The following PCDHA10 variants were observed in gnomAD, a reference collection of about 807,000 sequenced individuals.
PCDHA10 encodes protocadherin alpha 10, also known as protocadherin alpha-10.
PCDHA10 carries 45 observed loss-of-function variants against 61.2 expected under a neutral mutation model. That is an observed-to-expected ratio of 0.74 (90% CI 0.58 to 0.94). The LOEUF is 0.94. Ranked by LOEUF, PCDHA10 falls within the 40% of genes least tolerant of loss-of-function variation. The pLI, the probability that PCDHA10 is intolerant of heterozygous loss-of-function variation, is 0.00. For synonymous variants in PCDHA10, 602 were observed against 548.8 expected (o/e 1.10, Z -1.35); for missense variants, 1,278 against 1,236.2 (o/e 1.03, Z -0.51).
chr5:140,870,005 T>A lies in PCDHA10; in HGVS notation c.2388+11569T>A, dbSNP rs1006397532. 1 of 1,612,940 alleles carries A rather than the reference T, an allele frequency of 6.2e-7. No individual in the cohort carries two copies. The highest frequency in any genetic ancestry group is 1.7e-5 in the Admixed American group (1 of 59,888). The stretch of plus-strand genomic sequence containing the variant: ...ACACTAGATCAAAATAATGGAGAAG[T>A]GAGGGTCAATGGAACTTTAGATTAT... On this transcript the variant is annotated intron_variant, in intron 1 of 3. Coordinates refer to ENST00000307360, the MANE Select transcript of PCDHA10 (RefSeq NM_018901.4).
At chr5:140,977,140 G>A (rs2096748068) in intron 1 of PCDHA10, among the ~76,000 whole-genome samples, 1 of 152,202 alleles carries the variant, frequency 6.6e-6, no homozygotes, top group Non-Finnish European at 1.5e-5. Context: ...GGTCAGTCCT[G>A]CTGGAACTGT....
At chr5:140,883,470 A>T in intron 1 of PCDHA10, 3 of 1,614,126 alleles carry the variant, frequency 1.9e-6, no homozygotes, top group Non-Finnish European at 1.7e-6. Context: ...GTGTCCACCT[A>T]CAAGAACTAC....
chr5:140,871,420 C>G (rs1193380487), intron 1 of PCDHA10: 1 of 1,613,620 alleles, frequency 6.2e-7, no homozygotes, highest in Non-Finnish European at 8.5e-7. Context: ...GGCCTTCAGC[C>G]CCAGTCTTCC....
At chr5:140,988,467 A>T (rs1245281936) in intron 3 of PCDHA10, among the ~76,000 whole-genome samples, 12 of 152,242 alleles carry the variant, frequency 7.9e-5, no homozygotes, top group African/African-American at 2.4e-4. Flanking sequence ...AGGGTGTGGG[A>T]AGGGGAATTA....
intron 1 of PCDHA10, among the ~76,000 whole-genome samples, chr5:140,890,847 C>A (rs2062829860): frequency 1.3e-5 from 2 of 152,148 alleles, no homozygotes. Flanking sequence ...AGTTTTGTTT[C>A]TCTTCCTTAC....
At chr5:140,883,609 C>T (rs2059699123) in intron 1 of PCDHA10, 1 of 1,614,032 alleles carries the variant, frequency 6.2e-7, no homozygotes, top group Non-Finnish European at 8.5e-7. Flanking sequence ...GGGTGGCCGA[C>T]GTGAACGACA....
At chr5:140,938,508 A>G (rs1563167946) in intron 1 of PCDHA10, among the ~76,000 whole-genome samples, 1 of 152,046 alleles carries the variant, frequency 6.6e-6, no homozygotes, top group African/African-American at 2.4e-5. Context: ...AATTTATCAC[A>G]TATTTTCTGT....
intron 3 of PCDHA10, among the ~76,000 whole-genome samples, chr5:141,007,395 C>CAAAAAAAA (rs35800918): frequency 4.0e-3 from 379 of 94,450 alleles, no homozygotes; most frequent in Non-Finnish European, 5.7e-3. Context: ...TACTAAAATA[C>CAAAAAAAA]AAAAAAAAAA....
chr5:140,863,384 C>A (rs563178599), intron 1 of PCDHA10: 2 of 1,044,912 alleles, frequency 1.9e-6, no homozygotes, highest in South Asian at 1.2e-5. Flanking sequence ...ACCGAGAGCT[C>A]GTGCATGCCG....
Position 140,920,248 on chromosome 5 carries a change from C to T in PCDHA10, c.2389-58701C>T, listed in dbSNP as rs77829363. 2.9e-3 allele frequency among the ~76,000 whole-genome samples: 443 copies of T among 152,218 alleles called. 1 individual carries two copies. The highest frequency in any genetic ancestry group is 0.01 in the African/African-American group (423 of 41,510). Reference sequence around the variant, plus strand: ...TAGTATTATATACCCAACAATACATCGCTATAATAATTATTACTTTATGTA... The same window carrying T: ...TAGTATTATATACCCAACAATACATTGCTATAATAATTATTACTTTATGTA... On this transcript the variant is annotated intron_variant, in intron 1 of 3. Coordinates refer to ENST00000307360, the MANE Select transcript of PCDHA10 (RefSeq NM_018901.4).
intron 3 of PCDHA10, among the ~76,000 whole-genome samples, chr5:141,001,903 A>G (rs2098043091): frequency 6.6e-6 from 1 of 152,190 alleles, no homozygotes; most frequent in African/African-American, 2.4e-5. Flanking sequence ...GGGCTGTTTG[A>G]AAAAGACTGC....
chr5:140,912,322 G>A (rs1050946341), intron 1 of PCDHA10, among the ~76,000 whole-genome samples: 10 of 149,938 alleles, frequency 6.7e-5, no homozygotes, highest in African/African-American at 1.7e-4. Flanking sequence ...TTGACCCTCA[G>A]TATTAACCAG....
chr5:140,867,399 A>G (rs1001723593), intron 1 of PCDHA10: 2 of 152,166 alleles, frequency 1.3e-5, no homozygotes, highest in Non-Finnish European at 2.9e-5. Context: ...AAAAGTTGAT[A>G]TGTCTCCTTT....
intron 1 of PCDHA10, among the ~76,000 whole-genome samples, chr5:140,894,001 G>A (rs2064275871): frequency 6.6e-6 from 1 of 152,098 alleles, no homozygotes; most frequent in African/African-American, 2.4e-5. Context: ...CAATTGTATG[G>A]TTGGTTCAAA....
chr5:140,902,786 C>G (rs1450809375), intron 1 of PCDHA10, among the ~76,000 whole-genome samples: 1 of 151,906 alleles, frequency 6.6e-6, no homozygotes, highest in Non-Finnish European at 1.5e-5. Flanking sequence ...TAGCTTAGCT[C>G]TCACTTGTAT....
At chr5:140,981,629 G>A (rs1342775971) in intron 2 of PCDHA10, among the ~76,000 whole-genome samples, 1 of 151,994 alleles carries the variant, frequency 6.6e-6, no homozygotes. Flanking sequence ...GGTTTTCTTG[G>A]ACATTTTCTC....
chr5:140,891,568 A>G (rs1448026659), intron 1 of PCDHA10, among the ~76,000 whole-genome samples: 1 of 151,646 alleles, frequency 6.6e-6, no homozygotes, highest in Non-Finnish European at 1.5e-5. Flanking sequence ...CTCTAATTAA[A>G]CATATTTTAA....
intron 1 of PCDHA10, among the ~76,000 whole-genome samples, chr5:140,939,130 A>T (rs1183803741): frequency 6.6e-6 from 1 of 152,204 alleles, no homozygotes; most frequent in Admixed American, 6.5e-5. Context: ...TGGAAGCTGG[A>T]AAGTTGATGA....
intron 3 of PCDHA10, among the ~76,000 whole-genome samples, chr5:140,988,690 C>T (rs1286168942): frequency 2.6e-5 from 4 of 152,148 alleles, no homozygotes; most frequent in South Asian, 2.1e-4. Flanking sequence ...TTTCCCTAGA[C>T]GCTCTGTATT....
Sources: allele counts gnomAD v4.1 joint callset (sites outside exome capture counted in the v4.1 genomes callset), GRCh38; gene constraint gnomAD v4.1.1; transcripts MANE v1.5; gene names NCBI Gene and HGNC (gene_info 2026-07-23, HGNC 2026-07-21).